CILK1: variants seen among roughly 807,000 people sequenced by gnomAD.
The protein encoded by CILK1 is ciliogenesis associated kinase 1.
A neutral mutation model predicts 79.2 loss-of-function variants in CILK1; 47 were observed. That is an observed-to-expected ratio of 0.59 (90% confidence interval 0.47 to 0.76). The LOEUF is 0.76. Ranked by LOEUF, CILK1 falls within the 30% of genes least tolerant of loss-of-function variation. CILK1 has a pLI of 0.00. For missense variants in CILK1, 660 were observed against 769.5 expected, an observed-to-expected ratio of 0.86 and a Z score of 1.68; for synonymous variants, 266 against 275.9, an observed-to-expected ratio of 0.96 and a Z score of 0.36.
intron 3 of CILK1, among the ~76,000 whole-genome samples, chr6:53,035,642 G>A (rs375641415): frequency 5.5e-4 from 84 of 152,294 alleles, no homozygotes; most frequent in African/African-American, 2.0e-3. Flanking sequence ...TGTACAGGCA[G>A]GCAGCAATGA....
intron 6 of CILK1, among the ~76,000 whole-genome samples, chr6:53,018,812 G>A (rs149296128): frequency 2.0e-5 from 3 of 152,294 alleles, no homozygotes; most frequent in African/African-American, 4.8e-5. Flanking sequence ...AAAACTAAGA[G>A]AGAAAGGAAG....
chr6:53,030,996 T>C, intron 5 of CILK1, 69 bp downstream of exon 5: 1 of 1,100,638 alleles, frequency 9.1e-7, no homozygotes, highest in South Asian at 1.2e-5. Context: ...ATATTAATGT[T>C]TCCTACAACT....
intron 1 of CILK1, among the ~76,000 whole-genome samples, chr6:53,053,052 G>GC (rs1554182098): frequency 7.0e-6 from 1 of 143,078 alleles, no homozygotes; most frequent in Non-Finnish European, 1.5e-5. Flanking sequence ...GTAAAAGCCT[G>GC]AAAAAAAAAA....
At chr6:53,024,066 G>C (rs1189466736) in intron 5 of CILK1, among the ~76,000 whole-genome samples, 1 of 152,214 alleles carries the variant, frequency 6.6e-6, no homozygotes, top group Non-Finnish European at 1.5e-5. Flanking sequence ...GGTTAAACCA[G>C]AGACAGGCAC....
intron 3 of CILK1, among the ~76,000 whole-genome samples, chr6:53,034,155 A>G (rs977454764): frequency 6.6e-6 from 1 of 152,232 alleles, no homozygotes; most frequent in African/African-American, 2.4e-5. Context: ...CTAGTGGATG[A>G]GCAGCCTTGG....
chr6:53,033,110 G>T (rs566427969), intron 3 of CILK1, among the ~76,000 whole-genome samples: 1 of 152,196 alleles, frequency 6.6e-6, no homozygotes, highest in South Asian at 2.1e-4. Flanking sequence ...AACGACGAAG[G>T]GTTGATGGCC....
intron 12 of CILK1, among the ~76,000 whole-genome samples, chr6:53,006,843 C>A (rs902477421): frequency 1.3e-5 from 2 of 152,142 alleles, no homozygotes; most frequent in African/African-American, 4.8e-5. Flanking sequence ...AAACCATAAT[C>A]CATTTAACCA....
At chr6:53,009,926 A>T (rs1764466244) in intron 11 of CILK1, among the ~76,000 whole-genome samples, 1 of 151,542 alleles carries the variant, frequency 6.6e-6, no homozygotes, top group Non-Finnish European at 1.5e-5. Context: ...ATGGCCTCCA[A>T]CTCTGCAGCC....
intron 13 of CILK1, 89 bp downstream of exon 13, chr6:53,006,226 A>G: frequency 8.0e-7 from 1 of 1,252,566 alleles, no homozygotes; most frequent in Non-Finnish European, 1.2e-6. Flanking sequence ...TTATTGGTGG[A>G]TCCCAGGCCT....
rs1468830870 is a variant in CILK1, at chr6:53,001,500, T to C, written c.*3649A>G. ...AATAAATATATTGTCGGTTACTCCA[T>C]TGTAATCAAATCAGCTGACTAATTG... On this transcript the variant is annotated 3_prime_UTR_variant, in exon 14 of 14. Transcript: ENST00000676107. 2.0e-5 allele frequency: 3 copies of C among 152,652 alleles called. No individual in the cohort carries two copies. The highest frequency in any genetic ancestry group is 2.4e-5 in the African/African-American group (1 of 41,468). The allele number at this position is 152,652 out of a possible 1,614,324, so 9.5% of individuals were successfully genotyped here.
chr6:53,009,545 T>C lies in CILK1; in HGVS notation c.1515A>G (p.Ile505Met). The part of the protein sequence containing the change: ...YLPGISIRNG[I>M]LSNPGKEFIP... ...TAAATTCCTTGCCTGGATTCGAGAG[T>C]ATGCCATTTCTTATACTGATCCCTG... The change falls in exon 12 of 14, where the codon ATA (isoleucine) becomes ATG (methionine). Residue 505 changes from isoleucine (I) to methionine (M), a missense_variant. Physicochemically the swap from Ile to Met is conservative, Grantham distance 10. Coordinates refer to ENST00000676107, the MANE Select transcript of CILK1 (RefSeq NM_014920.5). The C allele has an allele frequency of 6.2e-7, 1 of 1,610,824 alleles. No homozygotes were observed. Among genetic ancestry groups the C allele is most frequent in the Non-Finnish European group, 8.5e-7 (1 of 1,176,936 alleles).
At chr6:53,054,878 A>G (rs1767740521) in intron 1 of CILK1, among the ~76,000 whole-genome samples, 1 of 152,252 alleles carries the variant, frequency 6.6e-6, no homozygotes, top group South Asian at 2.1e-4. Flanking sequence ...GCTCATGGCC[A>G]GCAGCTCACA....
intron 3 of CILK1, among the ~76,000 whole-genome samples, chr6:53,037,131 G>A (rs1234660717): frequency 6.6e-6 from 1 of 152,130 alleles, no homozygotes; most frequent in Non-Finnish European, 1.5e-5. Context: ...TTTCAAACAG[G>A]GCTGGGTGAG....
chr6:53,013,713 G>A lies in CILK1; in HGVS notation c.1101C>T (p.Asp367=), dbSNP rs75380402. 4 of 1,614,138 alleles carry A rather than the reference G, an allele frequency of 2.5e-6. No individual in the cohort carries two copies. The highest frequency in any genetic ancestry group is 3.4e-6 in the Non-Finnish European group (4 of 1,180,020). ...RTDHPSHLQE[D]KPSPLLFPSL... Reference sequence around the variant, plus strand: ...ATGGGAAAAGCAACGGGCTTGGCTTGTCCTCCTGGAGATGGCTTGGGTGAT... The same window carrying A: ...ATGGGAAAAGCAACGGGCTTGGCTTATCCTCCTGGAGATGGCTTGGGTGAT... The change falls in exon 9 of 14, where the codon GAC becomes GAT. Residue 367 remains aspartate (D), a synonymous_variant. Coordinates refer to ENST00000676107, the MANE Select transcript of CILK1 (RefSeq NM_014920.5).
Position 53,001,534 on chromosome 6 carries a change from A to T in CILK1, c.*3615T>A, listed in dbSNP as rs574041506. ...AATCAGCTGACTAATTGCTATCTGT[A>T]CTGAGTTATCTGAGATCAGAAGACT... On this transcript the variant is annotated 3_prime_UTR_variant, in exon 14 of 14. Coordinates refer to ENST00000676107, the MANE Select transcript of CILK1 (RefSeq NM_014920.5). The T allele has an allele frequency of 1.3e-5, 2 of 152,784 alleles. No homozygotes were observed. The highest frequency in any genetic ancestry group is 4.8e-5 in the African/African-American group (2 of 41,590). The allele number at this position is 152,784 out of a possible 1,614,324, so 9.5% of individuals were successfully genotyped here.
intron 1 of CILK1, among the ~76,000 whole-genome samples, chr6:53,042,205 C>T (rs1766766460): frequency 6.6e-6 from 1 of 152,138 alleles, no homozygotes; most frequent in Non-Finnish European, 1.5e-5. Context: ...AAATAATGCT[C>T]TTTTCTAATT....
Position 53,061,770 on chromosome 6 carries a change from CATGGTAGT to C in CILK1, c.-355_-348del, listed in dbSNP as rs1768490379. ...GGCGAGTCGCACGGGCCGCACGGCGCATGGTAGTGCAGCAGGAACCCGGCCGTTTTCCA... is the reference window on the plus strand; with the variant it reads ...GGCGAGTCGCACGGGCCGCACGGCGCGCAGCAGGAACCCGGCCGTTTTCCA... On this transcript the variant is annotated 5_prime_UTR_variant, in exon 1 of 14. An upstream start codon of the reference 5' UTR is lost. Coordinates refer to ENST00000676107, the MANE Select transcript of CILK1 (RefSeq NM_014920.5). 6.6e-6 allele frequency: 1 copy of C among 152,322 alleles called. No individual in the cohort carries two copies. The highest frequency in any genetic ancestry group is 2.4e-5 in the African/African-American group (1 of 41,468). 9.4% of individuals were successfully genotyped at this position (152,322 alleles called of 1,614,324 possible).
intron 1 of CILK1, among the ~76,000 whole-genome samples, chr6:53,049,762 C>G (rs560828238): frequency 7.2e-5 from 11 of 152,324 alleles, no homozygotes; most frequent in African/African-American, 2.4e-4. Flanking sequence ...GGGTCTTGCT[C>G]TGTCTCCCAG....
chr6:53,031,210 A>G, intron 4 of CILK1, 66 bp from the exon 5 acceptor site: 1 of 995,542 alleles, frequency 1.0e-6, no homozygotes, highest in Non-Finnish European at 1.6e-6. Context: ...TAAATACTAA[A>G]GAATACCATT....
Sources: allele counts gnomAD v4.1 joint callset (sites outside exome capture counted in the v4.1 genomes callset), GRCh38; gene constraint gnomAD v4.1.1; transcripts MANE v1.5; gene names NCBI Gene and HGNC (gene_info 2026-07-23, HGNC 2026-07-21).